The following SUPV3L1 variants were observed in gnomAD, a reference collection of about 807,000 sequenced individuals.
SUPV3L1 encodes the protein Suv3 like RNA helicase.
A neutral mutation model predicts 70.0 loss-of-function variants in SUPV3L1; 35 were observed. That is an observed-to-expected ratio of 0.50 (90% CI 0.38 to 0.66). The LOEUF (loss-of-function observed/expected upper bound fraction) is 0.66, where lower values mean the gene tolerates loss of function less well. Ranked by LOEUF, SUPV3L1 falls within the 30% of genes least tolerant of loss-of-function variation. SUPV3L1 has a pLI of 0.00. For synonymous variants in SUPV3L1, 364 were observed against 341.9 expected, an observed-to-expected ratio of 1.06 and a Z score of -0.71; for missense variants, 777 against 961.5, an observed-to-expected ratio of 0.81 and a Z score of 2.54.
intron 5 of SUPV3L1, among the ~76,000 whole-genome samples, chr10:69,190,223 A>G (rs1415300918): frequency 6.6e-6 from 1 of 152,184 alleles, no homozygotes; most frequent in East Asian, 1.9e-4. Context: ...ACTCTATGAT[A>G]TTTAATTTAC....
chr10:69,208,265 G>T (rs147189989), intron 14 of SUPV3L1, among the ~76,000 whole-genome samples: 301 of 152,312 alleles, frequency 2.0e-3, no homozygotes, highest in Non-Finnish European at 3.9e-3. Flanking sequence ...TGCCTGACTT[G>T]ATCAGATTCT....
At chr10:69,193,425 G>A (rs951660430) in intron 6 of SUPV3L1, among the ~76,000 whole-genome samples, 4 of 147,504 alleles carry the variant, frequency 2.7e-5, no homozygotes, top group Non-Finnish European at 4.5e-5. Flanking sequence ...TTCTAGTCTT[G>A]TTTGTACATA....
chr10:69,188,380 G>A (rs1842293930), intron 4 of SUPV3L1, among the ~76,000 whole-genome samples: 1 of 152,180 alleles, frequency 6.6e-6, no homozygotes, highest in African/African-American at 2.4e-5. Context: ...ATGCCTTGCT[G>A]GGGTGCAGTA....
At chr10:69,195,389 T>G in intron 7 of SUPV3L1, 124 bp downstream of exon 7, 1 of 498,248 alleles carries the variant, frequency 2.0e-6, no homozygotes, top group Non-Finnish European at 3.4e-6. Flanking sequence ...CACAAAAAAG[T>G]AAACTAAGTA....
At chr10:69,205,683 G>A (rs1372504162) in intron 13 of SUPV3L1, among the ~76,000 whole-genome samples, 3 of 152,032 alleles carry the variant, frequency 2.0e-5, no homozygotes, top group East Asian at 1.9e-4. Flanking sequence ...ACAGGTGCCC[G>A]CCACCATGCC....
intron 1 of SUPV3L1, among the ~76,000 whole-genome samples, chr10:69,185,691 G>C (rs987337175): frequency 2.6e-5 from 4 of 151,876 alleles, no homozygotes; most frequent in Admixed American, 2.6e-4. Context: ...TAGTAGAGAC[G>C]GGGTTTCACC....
At chr10:69,207,736 A>G in intron 13 of SUPV3L1, 57 bp from the exon 14 acceptor site, 1 of 1,543,354 alleles carries the variant, frequency 6.5e-7, no homozygotes, top group Non-Finnish European at 8.7e-7. Context: ...CTTTCTAATT[A>G]TAGACTTAAG....
rs373518473 is a variant in SUPV3L1, at chr10:69,180,334, G to A, written c.43G>A (p.Gly15Arg). ...CCTATTGTGGGCTCGGCTCCCGGCGGGGCGCCAGGCTGGCCACCGGGCAGC... is the reference window on the plus strand; with the variant it reads ...CCTATTGTGGGCTCGGCTCCCGGCGAGGCGCCAGGCTGGCCACCGGGCAGC... ...RALLWARLPA[G>R]RQAGHRAAIC... is the part of the protein sequence containing the mutation. The change falls in exon 1 of 15, where the codon GGG becomes AGG. Residue 15 changes from glycine (G) to arginine (R), a missense_variant. Coordinates refer to ENST00000359655, the MANE Select transcript of SUPV3L1 (RefSeq NM_003171.5). 3.1e-6 allele frequency: 5 copies of A among 1,614,042 alleles called. No homozygotes were observed. The South Asian group carries it at 5.5e-5, about 18-fold the overall frequency.
At chr10:69,183,796 A>T (rs1370766043) in intron 1 of SUPV3L1, among the ~76,000 whole-genome samples, 2 of 151,910 alleles carry the variant, frequency 1.3e-5, no homozygotes, top group East Asian at 3.9e-4. Flanking sequence ...CATCACCATA[A>T]TTTCATTTTA....
intron 1 of SUPV3L1, among the ~76,000 whole-genome samples, chr10:69,184,082 A>T (rs1435650778): frequency 6.6e-6 from 1 of 152,178 alleles, no homozygotes. Flanking sequence ...ATAACACCGT[A>T]GTATTAGTCA....
At chr10:69,200,232 G>A (rs1842649723) in intron 10 of SUPV3L1, 48 bp from the exon 11 acceptor site, 1 of 1,506,294 alleles carries the variant, frequency 6.6e-7, no homozygotes. Flanking sequence ...CCCAAGTATT[G>A]GAGGGTTTTT....
At chr10:69,190,044 A>G (rs746745507) in intron 5 of SUPV3L1, among the ~76,000 whole-genome samples, 6 of 152,230 alleles carry the variant, frequency 3.9e-5, no homozygotes, top group Non-Finnish European at 8.8e-5. Flanking sequence ...AACATTTTAC[A>G]TATGTAGAGA....
intron 4 of SUPV3L1, among the ~76,000 whole-genome samples, 182 bp from the exon 5 acceptor site, chr10:69,189,085 T>C (rs542179686): frequency 6.6e-6 from 1 of 152,336 alleles, no homozygotes; most frequent in African/African-American, 2.4e-5. Flanking sequence ...AGTTAGTAAA[T>C]GCTATTCTTG....
intron 6 of SUPV3L1, among the ~76,000 whole-genome samples, chr10:69,193,424 T>C (rs10823314): frequency 0.47 from 70,956 of 151,474 alleles, 19,020 homozygotes; most frequent in Middle Eastern, 0.73. Context: ...CTTCTAGTCT[T>C]GTTTGTACAT....
chr10:69,180,817 C>T (rs1308846426), intron 1 of SUPV3L1, among the ~76,000 whole-genome samples: 1 of 152,214 alleles, frequency 6.6e-6, no homozygotes, highest in Non-Finnish European at 1.5e-5. Flanking sequence ...ATGGTTTAGA[C>T]ACTCATGTGT....
chr10:69,201,887 C>A (rs1842691832), intron 11 of SUPV3L1, among the ~76,000 whole-genome samples: 1 of 141,962 alleles, frequency 7.0e-6, no homozygotes, highest in Non-Finnish European at 1.5e-5. Context: ...TGTCGCCAGG[C>A]TGGAGTGCAG....
Position 69,189,337 on chromosome 10 carries a change from T to TA in SUPV3L1, c.644dup (p.Tyr215Ter). 1 of 1,614,144 alleles carries TA rather than the reference T, an allele frequency of 6.2e-7. No individual in the cohort carries two copies. Among genetic ancestry groups the TA allele is most frequent in the South Asian group, 1.1e-5 (1 of 91,070 alleles). ...HSGPTNSGKT[Y>*]HAIQKYFSAK... is the part of the protein sequence containing the mutation. ...AGGCCCCACAAACAGTGGAAAGACTTATCACGCAATCCAGAAATACTTCTC... is the reference window on the plus strand; with the variant it reads ...AGGCCCCACAAACAGTGGAAAGACTTAATCACGCAATCCAGAAATACTTCTC... Residue 215 changes from tyrosine (Y) to a stop codon, truncating the protein, a stop_gained and frameshift_variant, in exon 5 of 15, where the codon TAT (tyrosine) becomes TAAT (stop). Transcript: ENST00000359655. LOFTEE classifies it high-confidence loss of function.
At chr10:69,184,616 T>TAC (rs59328806) in intron 1 of SUPV3L1, among the ~76,000 whole-genome samples, 28,186 of 146,012 alleles carry the variant, frequency 0.19, 2,834 homozygotes, top group Non-Finnish European at 0.22. Flanking sequence ...GAAATATAAA[T>TAC]ACACACACAC....
rs1468180313 is a variant in SUPV3L1 at position 69,185,646 on chromosome 10, C to T, written c.272-341C>T. 3.9e-5 allele frequency among the ~76,000 whole-genome samples: 6 copies of T among 152,024 alleles called. 1 individual carries two copies. The South Asian group carries it at 1.2e-3, about 32-fold the overall frequency. ...CCTCCTGGGTAGCTGGGACTACAGG[C>T]GCCCAATAACAGGCCCAGCTAATTT... is the stretch of plus-strand genomic sequence containing the variant. On this transcript the variant is annotated intron_variant, in intron 1 of 14. Coordinates refer to ENST00000359655, the MANE Select transcript of SUPV3L1 (RefSeq NM_003171.5).
Sources: gnomAD v4.1 joint callset for allele counts (sites outside exome capture counted in the v4.1 genomes callset) on GRCh38, gnomAD v4.1.1 for gene constraint, MANE v1.5 for transcripts, NCBI Gene and HGNC (gene_info 2026-07-23, HGNC 2026-07-21) for gene names.